CHCHD3: variants seen among roughly 807,000 people sequenced by gnomAD.
CHCHD3 encodes the protein MICOS complex subunit MIC19.
A neutral mutation model predicts 38.2 loss-of-function variants in CHCHD3; 20 were observed. That is an observed-to-expected ratio of 0.52 (90% CI 0.37 to 0.76). The LOEUF is 0.76. Among genes scored for constraint, CHCHD3 ranks in the 30% least tolerant of loss-of-function variants. The probability of loss-of-function intolerance (pLI) is 0.00; values close to 1 mark genes in which losing one functional copy is unlikely to be tolerated. For synonymous variants in CHCHD3, 82 were observed against 100.0 expected, an observed-to-expected ratio of 0.82 and a Z score of 1.07; for missense variants, 245 against 279.2, an observed-to-expected ratio of 0.88 and a Z score of 0.87.
At chr7:133,023,458 A>T (rs1024709635) in intron 3 of CHCHD3, among the ~76,000 whole-genome samples, 3 of 152,222 alleles carry the variant, frequency 2.0e-5, no homozygotes, top group Admixed American at 1.3e-4. Context: ...CTACAATCCA[A>T]TTCAAAGATT....
intron 4 of CHCHD3, chr7:132,973,971 T>A: frequency 7.8e-7 from 1 of 1,287,006 alleles, no homozygotes; most frequent in Non-Finnish European, 1.0e-6. Context: ...AAGGCCGAAG[T>A]GGAGGCTAAG....
At chr7:132,851,283 G>C (rs762308331) in intron 5 of CHCHD3, among the ~76,000 whole-genome samples, 10 of 152,078 alleles carry the variant, frequency 6.6e-5, no homozygotes, top group Non-Finnish European at 1.3e-4. Context: ...ATTTCCAGTA[G>C]GTATTAAGTA....
chr7:132,835,051 A>G (rs1177967187), intron 6 of CHCHD3, among the ~76,000 whole-genome samples: 1 of 151,448 alleles, frequency 6.6e-6, no homozygotes, highest in Non-Finnish European at 1.5e-5. Context: ...GCTCACTGCA[A>G]CCTTTGCCTC....
chr7:132,911,727 C>T (rs1292532024), intron 4 of CHCHD3, among the ~76,000 whole-genome samples: 1 of 152,204 alleles, frequency 6.6e-6, no homozygotes, highest in Non-Finnish European at 1.5e-5. Context: ...ATAGCAACTG[C>T]CTTTTGGCTC....
chr7:132,994,100 T>C (rs1812351538), intron 3 of CHCHD3, among the ~76,000 whole-genome samples: 1 of 152,208 alleles, frequency 6.6e-6, no homozygotes, highest in African/African-American at 2.4e-5. Context: ...AATTTCCTTG[T>C]ACCATCTTTT....
At chr7:133,073,383 T>C (rs1469605682) in intron 1 of CHCHD3, among the ~76,000 whole-genome samples, 1 of 152,198 alleles carries the variant, frequency 6.6e-6, no homozygotes, top group Non-Finnish European at 1.5e-5. Flanking sequence ...ATTCCATTAA[T>C]AAATGCATTC....
At chr7:132,854,028 G>GATGCATTAAGTGTCA (rs1437346563) in intron 5 of CHCHD3, among the ~76,000 whole-genome samples, 1 of 152,092 alleles carries the variant, frequency 6.6e-6, no homozygotes, top group Non-Finnish European at 1.5e-5. Flanking sequence ...TCATTTCACA[G>GATGCATTAAGTGTCA]ATGCATTAAG....
chr7:132,894,778 AT>A (rs1201604456), intron 4 of CHCHD3, among the ~76,000 whole-genome samples: 1 of 152,216 alleles, frequency 6.6e-6, no homozygotes, highest in Non-Finnish European at 1.5e-5. Flanking sequence ...AATGTCTACG[AT>A]TTAGTTCAAA....
intron 6 of CHCHD3, among the ~76,000 whole-genome samples, chr7:132,823,168 A>G (rs1807428050): frequency 6.6e-6 from 1 of 152,216 alleles, no homozygotes; most frequent in Non-Finnish European, 1.5e-5. Context: ...AGAAAAGAGG[A>G]GTAAAATTAC....
In CHCHD3 at chr7:132,785,398, G is replaced by C. The variant is rs184956103; in HGVS notation, c.*239C>G. 485 of 571,414 alleles carry C rather than the reference G, an allele frequency of 8.5e-4. No homozygotes were observed. Among genetic ancestry groups the C allele is most frequent in the Middle Eastern group, 1.4e-3 (3 of 2,128 alleles). 35.4% of individuals were successfully genotyped at this position (571,414 alleles called of 1,614,324 possible). A position where few individuals can be genotyped will look rare whatever the true frequency, so the allele number is the denominator to read the frequency against. On this transcript the variant is annotated 3_prime_UTR_variant, in exon 8 of 8. Transcript: ENST00000262570. Reference sequence around the variant, plus strand: ...TGCCCTTCTCTTTTAATCATCATAAGAGGGTTTACTAATACTCAAGAGTGT... The same window carrying C: ...TGCCCTTCTCTTTTAATCATCATAACAGGGTTTACTAATACTCAAGAGTGT...
intron 4 of CHCHD3, among the ~76,000 whole-genome samples, chr7:132,918,225 A>C (rs1455889920): frequency 6.6e-6 from 1 of 152,194 alleles, no homozygotes; most frequent in Non-Finnish European, 1.5e-5. Flanking sequence ...GGGATGATAT[A>C]ATTAGGGAGA....
chr7:133,080,462 T>C (rs1051186733), intron 1 of CHCHD3, among the ~76,000 whole-genome samples: 7 of 152,244 alleles, frequency 4.6e-5, no homozygotes, highest in Non-Finnish European at 1.0e-4. Flanking sequence ...TTTATACATT[T>C]TTTTCTAACC....
chr7:132,809,259 ATTCT>A (rs777864476), intron 6 of CHCHD3, among the ~76,000 whole-genome samples: 1 of 152,046 alleles, frequency 6.6e-6, no homozygotes, highest in South Asian at 2.1e-4. Context: ...GCACCGGCTA[ATTCT>A]TTATTTTCAA....
At chr7:132,933,561 T>G (rs1413646030) in intron 4 of CHCHD3, among the ~76,000 whole-genome samples, 1 of 152,208 alleles carries the variant, frequency 6.6e-6, no homozygotes, top group Non-Finnish European at 1.5e-5. Flanking sequence ...TTTCACTGGT[T>G]GGGAGTGATG....
At chr7:132,868,561 T>C (rs1395750058) in intron 5 of CHCHD3, among the ~76,000 whole-genome samples, 1 of 152,096 alleles carries the variant, frequency 6.6e-6, no homozygotes, top group African/African-American at 2.4e-5. Flanking sequence ...CTTTGGTGAG[T>C]CCTTTTAATA....
chr7:132,789,985 G>A (rs996810105), intron 7 of CHCHD3, among the ~76,000 whole-genome samples: 2 of 152,196 alleles, frequency 1.3e-5, no homozygotes, highest in African/African-American at 4.8e-5. Context: ...AGACAGGAAG[G>A]AAAAGTCATC....
At chr7:132,801,681 A>T (rs1348936543) in intron 6 of CHCHD3, among the ~76,000 whole-genome samples, 2 of 152,240 alleles carry the variant, frequency 1.3e-5, no homozygotes. Context: ...TGAGGGCCAT[A>T]CTATTTAATC....
Position 132,997,895 on chromosome 7 carries a change from A to G in CHCHD3, c.252-22609T>C, listed in dbSNP as rs73449663. 5.3e-3 allele frequency among the ~76,000 whole-genome samples: 808 copies of G among 152,322 alleles called. 8 individuals are homozygous for G. The highest frequency in any genetic ancestry group is 0.019 in the African/African-American group (779 of 41,558). On this transcript the variant is annotated intron_variant, in intron 3 of 7. Coordinates refer to ENST00000262570, the MANE Select transcript of CHCHD3 (RefSeq NM_017812.4). ...TCCCTGCATCCAATACTGTCATTTT[A>G]TATGCAGCTAGAATGGTATCAACTC...
intron 6 of CHCHD3, among the ~76,000 whole-genome samples, chr7:132,826,723 C>T (rs780762944): frequency 1.8e-4 from 28 of 152,150 alleles, no homozygotes; most frequent in Non-Finnish European, 3.4e-4. Flanking sequence ...AAGCATTCTG[C>T]CAGGACTCAA....
Sources: gnomAD v4.1 joint callset for allele counts (sites outside exome capture counted in the v4.1 genomes callset) on GRCh38, gnomAD v4.1.1 for gene constraint, MANE v1.5 for transcripts, NCBI Gene and HGNC (gene_info 2026-07-23, HGNC 2026-07-21) for gene names.